KCMF1: variants seen among roughly 807,000 people sequenced by gnomAD.
The protein encoded by KCMF1 is E3 ubiquitin-protein ligase KCMF1.
Under a neutral mutation model 41.1 loss-of-function variants are expected in KCMF1, and 3 were observed. That is an observed-to-expected ratio of 0.07 (90% CI 0.03 to 0.19). KCMF1 has a LOEUF of 0.19. KCMF1 is among the 10% of genes least tolerant of loss of function. The probability of loss-of-function intolerance (pLI) is 1.00; values close to 1 mark genes in which losing one functional copy is unlikely to be tolerated. For missense variants in KCMF1, 286 were observed against 488.9 expected, an observed-to-expected ratio of 0.58 and a Z score of 3.91; for synonymous variants, 142 against 164.5, an observed-to-expected ratio of 0.86 and a Z score of 1.04.
intron 1 of KCMF1, among the ~76,000 whole-genome samples, chr2:85,015,628 A>T (rs935119218): frequency 1.6e-4 from 24 of 152,212 alleles, no homozygotes; most frequent in Non-Finnish European, 3.5e-4. Context: ...TTAGAAATGA[A>T]TTAAACTTCC....
chr2:85,034,053 G>A (rs924522187), intron 2 of KCMF1, among the ~76,000 whole-genome samples: 9 of 151,658 alleles, frequency 5.9e-5, no homozygotes, highest in East Asian at 1.9e-4. Context: ...TTAATTAGCC[G>A]GATGTGATGG....
At chr2:84,994,237 C>T (rs981205313) in intron 1 of KCMF1, among the ~76,000 whole-genome samples, 2 of 152,022 alleles carry the variant, frequency 1.3e-5, no homozygotes, top group African/African-American at 2.4e-5. Flanking sequence ...CGTGAGCCAC[C>T]GCGCCCGGCC....
At chr2:85,039,233 C>T (rs533869161) in intron 3 of KCMF1, among the ~76,000 whole-genome samples, 2 of 152,202 alleles carry the variant, frequency 1.3e-5, no homozygotes, top group Admixed American at 1.3e-4. Flanking sequence ...ACCAACTTAC[C>T]TGGATTTCAT....
chr2:85,006,640 C>T (rs1405056641), intron 1 of KCMF1, among the ~76,000 whole-genome samples: 1 of 151,712 alleles, frequency 6.6e-6, no homozygotes, highest in East Asian at 2.0e-4. Context: ...TAAAAAAAAT[C>T]TAAATAATAT....
intron 1 of KCMF1, among the ~76,000 whole-genome samples, chr2:84,991,626 A>T (rs1001526241): frequency 6.6e-6 from 1 of 152,204 alleles, no homozygotes; most frequent in Non-Finnish European, 1.5e-5. Context: ...TGGAGATCAC[A>T]CTGTGGGAAA....
Position 85,054,673 on chromosome 2 carries a change from G to GT in KCMF1, c.*1267dup, listed in dbSNP as rs1675887280. On this transcript the variant is annotated 3_prime_UTR_variant, in exon 7 of 7. Coordinates refer to ENST00000409785, the MANE Select transcript of KCMF1 (RefSeq NM_020122.5). Reference sequence around the variant, plus strand: ...AATAGCTCCAAGGCAGGGACAGCGGGTTTGGGGGTTGGGAGGGCAGTTTTT... The same window carrying GT: ...AATAGCTCCAAGGCAGGGACAGCGGGTTTTGGGGGTTGGGAGGGCAGTTTTT... The GT allele has an allele frequency of 1.3e-5, 2 of 152,146 alleles. No individual in the cohort carries two copies. The highest frequency in any genetic ancestry group is 4.8e-5 in the African/African-American group (2 of 41,420). 9.4% of individuals were successfully genotyped at this position (152,146 alleles called of 1,614,324 possible).
Position 85,058,610 on chromosome 2 carries a change from T to G in KCMF1, c.*5201T>G, listed in dbSNP as rs1380849809. The G allele has an allele frequency of 1.3e-5, 2 of 152,216 alleles. No individual in the cohort carries two copies. Among genetic ancestry groups the G allele is most frequent in the Non-Finnish European group, 2.9e-5 (2 of 68,030 alleles). The allele number at this position is 152,216 out of a possible 1,614,324, so 9.4% of individuals were successfully genotyped here. ...TGCTCTCTCATTCATACATACTTTT[T>G]GAGTTCCCAGTAGGTACGAAGCTTT... is the stretch of plus-strand genomic sequence containing the variant. On this transcript the variant is annotated 3_prime_UTR_variant, in exon 7 of 7. Transcript: ENST00000409785.
rs575431557 is a variant in KCMF1, at chr2:85,023,201, T to G, written c.17-4688T>G. Among the ~76,000 whole-genome samples, 5 of 151,826 alleles carry G rather than the reference T, an allele frequency of 3.3e-5. No homozygotes were observed. The East Asian group carries it at 5.8e-4, about 18-fold the overall frequency. On this transcript the variant is annotated intron_variant, in intron 1 of 6. Coordinates refer to ENST00000409785, the MANE Select transcript of KCMF1 (RefSeq NM_020122.5). ...CGCGCCCGGCCAATACTGTATGTAT[T>G]CTTTGAAATTTCCTTTCACTCATCT... is the stretch of plus-strand genomic sequence containing the variant.
At chr2:85,026,602 C>T (rs1675113741) in intron 1 of KCMF1, among the ~76,000 whole-genome samples, 2 of 151,914 alleles carry the variant, frequency 1.3e-5, no homozygotes, top group South Asian at 4.1e-4. Flanking sequence ...ATTCCTCCCA[C>T]CTCAACCTTC....
intron 1 of KCMF1, among the ~76,000 whole-genome samples, chr2:84,978,494 T>G (rs1481840763): frequency 6.6e-6 from 1 of 150,414 alleles, no homozygotes; most frequent in East Asian, 1.9e-4. Flanking sequence ...TGTCTTTTGG[T>G]TTTTGGGTTT....
intron 6 of KCMF1, among the ~76,000 whole-genome samples, chr2:85,052,611 G>A (rs1484728974): frequency 6.6e-6 from 1 of 152,206 alleles, no homozygotes; most frequent in African/African-American, 2.4e-5. Context: ...GTCCTTGGTA[G>A]AAGAAATGTA....
At chr2:85,040,234 G>A (rs1290311761) in intron 3 of KCMF1, among the ~76,000 whole-genome samples, 1 of 152,154 alleles carries the variant, frequency 6.6e-6, no homozygotes, top group African/African-American at 2.4e-5. Flanking sequence ...GTTTCCATAT[G>A]AATAATAGAT....
chr2:84,989,609 G>A (rs1673987863), intron 1 of KCMF1, among the ~76,000 whole-genome samples: 1 of 152,206 alleles, frequency 6.6e-6, no homozygotes, highest in Non-Finnish European at 1.5e-5. Flanking sequence ...GTAGAGGTGA[G>A]TAAGAGTCAT....
chr2:84,998,664 G>A (rs894619210), intron 1 of KCMF1, among the ~76,000 whole-genome samples: 1 of 149,060 alleles, frequency 6.7e-6, no homozygotes, highest in South Asian at 2.1e-4. Flanking sequence ...GCAGTGATAC[G>A]TGATCCCGGT....
chr2:85,050,594 A>C lies in KCMF1; in HGVS notation c.884+946A>C, dbSNP rs112990698. 2.3e-3 allele frequency among the ~76,000 whole-genome samples: 347 copies of C among 152,346 alleles called. 1 individual carries two copies. The highest frequency in any genetic ancestry group is 7.7e-3 in the African/African-American group (321 of 41,590). ...TTTTAGGAATATAAAGAATTCTTAA[A>C]AGAGCAATGATGAGTGGAGACTTAG... On this transcript the variant is annotated intron_variant, in intron 6 of 6. Coordinates refer to ENST00000409785, the MANE Select transcript of KCMF1 (RefSeq NM_020122.5).
chr2:84,990,088 A>G (rs1010258579), intron 1 of KCMF1, among the ~76,000 whole-genome samples: 2 of 152,250 alleles, frequency 1.3e-5, no homozygotes, highest in Non-Finnish European at 2.9e-5. Flanking sequence ...CAGAAAGGTC[A>G]AGAAGATAAG....
intron 6 of KCMF1, among the ~76,000 whole-genome samples, chr2:85,050,609 T>C (rs1278165683): frequency 4.6e-5 from 7 of 152,244 alleles, no homozygotes; most frequent in African/African-American, 1.7e-4. Context: ...CAATGATGAG[T>C]GGAGACTTAG....
At chr2:84,982,605 G>T (rs774997161) in intron 1 of KCMF1, among the ~76,000 whole-genome samples, 1 of 151,632 alleles carries the variant, frequency 6.6e-6, no homozygotes, top group South Asian at 2.1e-4. Context: ...CGCCATGTTG[G>T]CCAGGCTGGT....
At chr2:85,040,358 A>G (rs1369770326) in intron 3 of KCMF1, among the ~76,000 whole-genome samples, 1 of 152,164 alleles carries the variant, frequency 6.6e-6, no homozygotes, top group Non-Finnish European at 1.5e-5. Flanking sequence ...CCTGTCCTGT[A>G]AGAGATATTA....
Sources: gnomAD v4.1 joint callset for allele counts (sites outside exome capture counted in the v4.1 genomes callset) on GRCh38, gnomAD v4.1.1 for gene constraint, MANE v1.5 for transcripts, NCBI Gene and HGNC (gene_info 2026-07-23, HGNC 2026-07-21) for gene names.